The following DIO2 variants were observed in gnomAD, a reference collection of about 807,000 sequenced individuals.
DIO2 encodes the protein iodothyronine deiodinase 2.
A neutral mutation model predicts 21.4 loss-of-function variants in DIO2; 19 were observed. The ratio of observed to expected loss-of-function variants is 0.89; its 90% CI spans 0.62 to 1.30. The LOEUF is 1.30. Among genes scored for constraint, DIO2 ranks in the 50% most tolerant of loss-of-function variants. The pLI is 0.00. For synonymous variants in DIO2, 122 were observed against 132.9 expected, an observed-to-expected ratio of 0.92 and a Z score of 0.57; for missense variants, 302 against 338.1, an observed-to-expected ratio of 0.89 and a Z score of 0.84.
intron 2 of DIO2, among the ~76,000 whole-genome samples, chr14:80,217,222 AT>A (rs1294873500): frequency 6.6e-6 from 1 of 152,266 alleles, no homozygotes; most frequent in Non-Finnish European, 1.5e-5. Flanking sequence ...GGATGATTGT[AT>A]AATGAGTGTG....
upstream of DIO2, chr14:80,215,922 G>A (rs1888341757): frequency 6.6e-6 from 1 of 152,270 alleles, no homozygotes; most frequent in South Asian, 2.1e-4. Context: ...GTGATGAAAG[G>A]AGAAGCTCAA....
chr14:80,201,846 C>T lies in DIO2; in HGVS notation c.*843G>A, dbSNP rs147492488. 1.3e-5 allele frequency: 2 copies of T among 153,468 alleles called. No homozygotes were observed. Among genetic ancestry groups the T allele is most frequent in the African/African-American group, 4.8e-5 (2 of 41,550 alleles). 9.5% of individuals were successfully genotyped at this position (153,468 alleles called of 1,614,324 possible). A position where few individuals can be genotyped will look rare whatever the true frequency, so the allele number is the denominator to read the frequency against. Reference sequence around the variant, plus strand: ...TGTTTTTATATGTGTATTCTCTATGCCACTTTTAGTTGAGCTCCTTCTTCT... The same window carrying T: ...TGTTTTTATATGTGTATTCTCTATGTCACTTTTAGTTGAGCTCCTTCTTCT... On this transcript the variant is annotated 3_prime_UTR_variant, in exon 2 of 2. Coordinates refer to ENST00000438257, the MANE Select transcript of DIO2 (RefSeq NM_013989.5).
At chr14:80,218,522 G>A (rs7145153) in intron 2 of DIO2, among the ~76,000 whole-genome samples, 19,853 of 152,058 alleles carry the variant, frequency 0.13, 1,579 homozygotes, top group East Asian at 0.3. Flanking sequence ...AGATTCAAGG[G>A]AGAATAGAAA....
At chr14:80,208,919 C>A in intron 1 of DIO2, among the ~76,000 whole-genome samples, 1 of 152,208 alleles carries the variant, frequency 6.6e-6, no homozygotes, top group East Asian at 1.9e-4. Context: ...GTTGCTTCTG[C>A]ACATGGTAGC....
At position 80,201,878 on chromosome 14, in the gene DIO2, G is replaced by A. The variant is rs1887739095; in HGVS notation, c.*811C>T. The A allele has an allele frequency of 6.5e-6, 1 of 152,966 alleles. No homozygotes were observed. Among genetic ancestry groups the A allele is most frequent in the African/African-American group, 2.4e-5 (1 of 41,230 alleles). 9.5% of individuals were successfully genotyped at this position (152,966 alleles called of 1,614,324 possible). On this transcript the variant is annotated 3_prime_UTR_variant, in exon 2 of 2. Coordinates refer to ENST00000438257, the MANE Select transcript of DIO2 (RefSeq NM_013989.5). ...TAGTTGAGCTCCTTCTTCTTTTTCT[G>A]GCCTTGTGTATGTTTCTATGTTTCC...
chr14:80,222,220 T>A (rs2140019261), intron 2 of DIO2, among the ~76,000 whole-genome samples: 1 of 152,320 alleles, frequency 6.6e-6, no homozygotes, highest in South Asian at 2.1e-4. Flanking sequence ...TACATGCAAA[T>A]GACTTTCTTT....
chr14:80,223,109 A>G (rs979139653), intron 2 of DIO2, among the ~76,000 whole-genome samples: 1 of 152,132 alleles, frequency 6.6e-6, no homozygotes, highest in Non-Finnish European at 1.5e-5. Context: ...CTGCCTCCCA[A>G]GGTCAAGGGA....
At position 80,201,298 on chromosome 14, in the gene DIO2, T is replaced by G. The variant is rs943615728; in HGVS notation, c.*1391A>C. The G allele has an allele frequency of 1.3e-5, 2 of 152,082 alleles. No individual in the cohort carries two copies. Among genetic ancestry groups the G allele is most frequent in the Non-Finnish European group, 1.5e-5 (1 of 68,002 alleles). 9.4% of individuals were successfully genotyped at this position (152,082 alleles called of 1,614,324 possible). On this transcript the variant is annotated 3_prime_UTR_variant, in exon 2 of 2. Coordinates refer to ENST00000438257, the MANE Select transcript of DIO2 (RefSeq NM_013989.5). ...TTCCATGATATACCGGGGGTTGCCT[T>G]ATAACAAAGCCTCCAAAATGATTGA...
chr14:80,228,965 T>C (rs1446821953), intron 2 of DIO2, among the ~76,000 whole-genome samples: 1 of 152,090 alleles, frequency 6.6e-6, no homozygotes, highest in Non-Finnish European at 1.5e-5. Context: ...GAGGTCTCCT[T>C]AGGGAAGGAT....
chr14:80,209,229 T>C (rs1468637683), intron 1 of DIO2, among the ~76,000 whole-genome samples: 1 of 152,156 alleles, frequency 6.6e-6, no homozygotes, highest in East Asian at 1.9e-4. Context: ...CACTTAATAT[T>C]TGTGGGTAAC....
At position 80,199,842 on chromosome 14, in the gene DIO2, T is replaced by C. The variant is rs1887642444; in HGVS notation, c.*2847A>G. Reference sequence around the variant, plus strand: ...GAAAGAGAACTCAGACTTTTATATATGATATAAATATATCATAGATTTATA... The same window carrying C: ...GAAAGAGAACTCAGACTTTTATATACGATATAAATATATCATAGATTTATA... On this transcript the variant is annotated 3_prime_UTR_variant, in exon 2 of 2. Coordinates refer to ENST00000438257, the MANE Select transcript of DIO2 (RefSeq NM_013989.5). The C allele has an allele frequency of 6.6e-6, 1 of 152,544 alleles. No individual in the cohort carries two copies. Among genetic ancestry groups the C allele is most frequent in the Non-Finnish European group, 1.5e-5 (1 of 68,016 alleles). 9.4% of individuals were successfully genotyped at this position (152,544 alleles called of 1,614,324 possible). A position where few individuals can be genotyped will look rare whatever the true frequency, so the allele number is the denominator to read the frequency against.
Position 80,210,680 on chromosome 14 carries a change from G to A in DIO2, c.222+571C>T, listed in dbSNP as rs1888143311. The stretch of plus-strand genomic sequence containing the variant: ...AAATTTGAATCAATGTAGAGGAGGT[G>A]GCACACAGCTGCTTGCTTTCATTAA... On this transcript the variant is annotated intron_variant, in intron 1 of 1. Transcript: ENST00000438257. Among the ~76,000 whole-genome samples, 2 of 152,144 alleles carry A rather than the reference G, an allele frequency of 1.3e-5. 1 individual carries two copies. The highest frequency in any genetic ancestry group is 4.2e-4 in the South Asian group (2 of 4,808).
Position 80,211,411 on chromosome 14 carries a change from T to C in DIO2, c.62A>G (p.Asn21Ser), listed in dbSNP as rs78670124. Reference sequence around the variant, plus strand: ...GTCATAGAGAGCCAGGAAGAGGCAGTTGGAGAAAAAAACTGGCAGAATTTG... The same window carrying C: ...GTCATAGAGAGCCAGGAAGAGGCAGCTGGAGAAAAAAACTGGCAGAATTTG... ...TLQILPVFFSNCLFLALYDSV... is the reference protein window; with the variant it reads ...TLQILPVFFSSCLFLALYDSV... The change falls in exon 1 of 2, where the codon AAC becomes AGC. Residue 21 changes from asparagine to serine, a missense_variant. Coordinates refer to ENST00000438257, the MANE Select transcript of DIO2 (RefSeq NM_013989.5). 21 of 1,613,098 alleles carry C rather than the reference T, an allele frequency of 1.3e-5. No homozygotes were observed. Among genetic ancestry groups the C allele is most frequent in the South Asian group, 3.3e-5 (3 of 90,980 alleles).
intron 2 of DIO2, among the ~76,000 whole-genome samples, chr14:80,219,128 T>C (rs1439711870): frequency 2.0e-5 from 3 of 152,184 alleles, no homozygotes; most frequent in Non-Finnish European, 4.4e-5. Flanking sequence ...ATTGTCTTTT[T>C]ATACAACAGA....
At chr14:80,217,111 T>C (rs1374521402) in intron 2 of DIO2, among the ~76,000 whole-genome samples, 1 of 152,186 alleles carries the variant, frequency 6.6e-6, no homozygotes, top group Non-Finnish European at 1.5e-5. Flanking sequence ...GAAAATAAAC[T>C]AGATATTCTA....
intron 1 of DIO2, among the ~76,000 whole-genome samples, chr14:80,206,992 G>C (rs1887980721): frequency 6.6e-6 from 1 of 152,072 alleles, no homozygotes; most frequent in South Asian, 2.1e-4. Context: ...TTCCCAAAGG[G>C]TCCCTTTATT....
At chr14:80,205,589 A>T in intron 1 of DIO2, 5 of 1,314,976 alleles carry the variant, frequency 3.8e-6, no homozygotes, top group South Asian at 1.2e-5. Context: ...GTCACAGGGG[A>T]CTCTCTTATT....
rs114947328 is a variant in DIO2 at position 80,223,947 on chromosome 14, A to C, written c.-277-7210T>G. Among the ~76,000 whole-genome samples, 238 of 152,368 alleles carry C rather than the reference A, an allele frequency of 1.6e-3. 2 individuals are homozygous for C. Among genetic ancestry groups the C allele is most frequent in the African/African-American group, 5.5e-3 (227 of 41,592 alleles). ...GTAACAGTAAGGAAATACCGATTATATCACAGGCCACCAAGCAAGTACCCA... is the reference window on the plus strand; with the variant it reads ...GTAACAGTAAGGAAATACCGATTATCTCACAGGCCACCAAGCAAGTACCCA... On this transcript the variant is annotated intron_variant, in intron 2 of 4. Transcript: ENST00000553594.
intron 2 of DIO2, among the ~76,000 whole-genome samples, chr14:80,217,985 T>C (rs1457708168): frequency 1.3e-5 from 2 of 152,180 alleles, no homozygotes; most frequent in Admixed American, 6.5e-5. Context: ...CAGAAACAAA[T>C]CTCTGATTTT....
Sources: allele counts gnomAD v4.1 joint callset (sites outside exome capture counted in the v4.1 genomes callset), GRCh38; gene constraint gnomAD v4.1.1; transcripts MANE v1.5; gene names NCBI Gene and HGNC (gene_info 2026-07-23, HGNC 2026-07-21).